The following DPP6 variants were observed in gnomAD, a reference collection of about 807,000 sequenced individuals.
DPP6 encodes A-type potassium channel modulatory protein DPP6.
DPP6 carries 69 observed loss-of-function variants against 122.6 expected under a neutral mutation model. That is an observed-to-expected ratio of 0.56 (90% CI 0.46 to 0.69). The LOEUF is 0.69. DPP6 is among the 30% of genes least tolerant of loss of function. The pLI, the probability that DPP6 is intolerant of heterozygous loss-of-function variation, is 0.00. For missense variants in DPP6, 928 were observed against 1,116.9 expected (o/e 0.83, Z 2.41); for synonymous variants, 418 against 433.1 (o/e 0.97, Z 0.43).
chr7:154,686,906 C>A (rs1839645104), intron 7 of DPP6, among the ~76,000 whole-genome samples: 1 of 152,158 alleles, frequency 6.6e-6, no homozygotes, highest in African/African-American at 2.4e-5. Flanking sequence ...CCCAAGCATG[C>A]CCAGAGCTCG....
At chr7:154,090,143 TG>T (rs1804701778) in intron 1 of DPP6, among the ~76,000 whole-genome samples, 1 of 152,082 alleles carries the variant, frequency 6.6e-6, no homozygotes, top group African/African-American at 2.4e-5. Context: ...GGGTGCTGTG[TG>T]GATCTCAGTC....
intron 17 of DPP6, among the ~76,000 whole-genome samples, chr7:154,862,099 G>T (rs1803459483): frequency 6.6e-6 from 1 of 152,134 alleles, no homozygotes; most frequent in African/African-American, 2.4e-5. Flanking sequence ...CCATTACTGG[G>T]GGAGTTCTCT....
chr7:154,542,984 G>A (rs1375140045), intron 4 of DPP6, among the ~76,000 whole-genome samples: 1 of 152,238 alleles, frequency 6.6e-6, no homozygotes, highest in Non-Finnish European at 1.5e-5. Flanking sequence ...TGTATGCTCT[G>A]TGTGTTTTCA....
the DPP6 span, among the ~76,000 whole-genome samples, chr7:153,823,815 A>G: frequency 6.6e-6 from 1 of 152,108 alleles, no homozygotes; most frequent in African/African-American, 2.4e-5. Context: ...CTAAAGAGTG[A>G]GAAATAATTA....
chr7:154,114,518 G>A (rs1421126703), intron 1 of DPP6, among the ~76,000 whole-genome samples: 1 of 152,172 alleles, frequency 6.6e-6, no homozygotes, highest in Non-Finnish European at 1.5e-5. Flanking sequence ...AAGAACAGAA[G>A]TTATTTCCCA....
At chr7:154,351,835 C>A (rs1810882863) in intron 1 of DPP6, among the ~76,000 whole-genome samples, 1 of 152,182 alleles carries the variant, frequency 6.6e-6, no homozygotes, top group Non-Finnish European at 1.5e-5. Flanking sequence ...CAGCTGAGCA[C>A]CGGCTTGTCT....
chr7:154,876,318 G>A (rs1193685842), intron 20 of DPP6: 20 of 842,182 alleles, frequency 2.4e-5, no homozygotes, highest in Non-Finnish European at 3.2e-6. Flanking sequence ...CCACTGCAGG[G>A]TAGATTGTTG....
At chr7:154,398,273 G>A (rs1001353877) in intron 1 of DPP6, among the ~76,000 whole-genome samples, 10 of 152,154 alleles carry the variant, frequency 6.6e-5, no homozygotes, top group African/African-American at 1.7e-4. Context: ...TGAGGAAACC[G>A]AGGGGCAGAT....
intron 1 of DPP6, among the ~76,000 whole-genome samples, chr7:154,385,811 T>C (rs143340997): frequency 1.3e-3 from 201 of 152,272 alleles, no homozygotes; most frequent in African/African-American, 4.5e-3. Flanking sequence ...ATTTGATTAC[T>C]CAATAAGTGA....
At chr7:154,179,809 G>A (rs536278526) in intron 1 of DPP6, among the ~76,000 whole-genome samples, 7 of 152,218 alleles carry the variant, frequency 4.6e-5, no homozygotes, top group African/African-American at 1.7e-4. Flanking sequence ...ATGACATTGA[G>A]CATATACACT....
chr7:154,854,841 G>T (rs1033610051), intron 17 of DPP6, among the ~76,000 whole-genome samples: 2 of 152,178 alleles, frequency 1.3e-5, no homozygotes, highest in African/African-American at 2.4e-5. Flanking sequence ...CTCGCCCTCG[G>T]TCCCTCCCTT....
chr7:154,052,165 G>T (rs1479825375), upstream of DPP6, among the ~76,000 whole-genome samples: 1 of 151,334 alleles, frequency 6.6e-6, no homozygotes, highest in Admixed American at 6.6e-5. This position sits in a 1 kb window ranked among gnomAD's most constrained non-coding sequence, Gnocchi z 4.8. Context: ...GAGCTCCCGG[G>T]ACTCCCCCAC....
chr7:154,330,563 A>G (rs1808835488), intron 1 of DPP6, among the ~76,000 whole-genome samples: 1 of 152,192 alleles, frequency 6.6e-6, no homozygotes, highest in East Asian at 1.9e-4. Context: ...GTCTTTACGA[A>G]CGGACTGAGA....
At chr7:154,366,168 G>A (rs2337695) in intron 1 of DPP6, among the ~76,000 whole-genome samples, 12,103 of 152,178 alleles carry the variant, frequency 0.08, 1,174 homozygotes, top group African/African-American at 0.23. Flanking sequence ...TGCAACTCAG[G>A]CTGCTAGGGT....
intron 1 of DPP6, among the ~76,000 whole-genome samples, chr7:153,951,572 T>C (rs551397512): frequency 1.3e-5 from 2 of 152,362 alleles, no homozygotes; most frequent in South Asian, 4.1e-4. Context: ...GCCACTGACA[T>C]GCTGCAGCTG....
intron 7 of DPP6, among the ~76,000 whole-genome samples, chr7:154,705,573 G>T (rs1840782306): frequency 6.6e-6 from 1 of 152,214 alleles, no homozygotes; most frequent in Non-Finnish European, 1.5e-5. Context: ...CCCACCCAGG[G>T]TGTGTCAGAG....
Position 154,233,620 on chromosome 7 carries a change from C to T in DPP6, c.243+180557C>T, listed in dbSNP as rs376762271. On this transcript the variant is annotated intron_variant, in intron 1 of 25. Coordinates refer to ENST00000377770, the MANE Select transcript of DPP6 (RefSeq NM_130797.4). ...GGAGGCAGAGATCATGGTGCTGTTC[C>T]GACAAGCCAAGGGGCACCAGAGATT... is the stretch of plus-strand genomic sequence containing the variant. 5.6e-4 allele frequency among the ~76,000 whole-genome samples: 85 copies of T among 152,156 alleles called. 1 individual carries two copies. Among genetic ancestry groups the T allele is most frequent in the African/African-American group, 1.8e-3 (75 of 41,506 alleles).
chr7:153,956,159 A>T (rs945333778), intron 1 of DPP6, among the ~76,000 whole-genome samples: 43 of 152,198 alleles, frequency 2.8e-4, no homozygotes, highest in Non-Finnish European at 1.0e-4. Flanking sequence ...GTTGACGAAC[A>T]CTTCGGCTGT....
chr7:154,408,767 TG>T (rs1198165087), intron 1 of DPP6, among the ~76,000 whole-genome samples: 1 of 148,698 alleles, frequency 6.7e-6, no homozygotes, highest in Admixed American at 6.8e-5. Context: ...AGTCTTCCCC[TG>T]TTTTTTTTTT....
Sources: gnomAD v4.1 joint callset for allele counts (sites outside exome capture counted in the v4.1 genomes callset) on GRCh38, gnomAD v4.1.1 for gene constraint, Gnocchi (gnomAD v3.1) non-coding constraint, MANE v1.5 for transcripts, NCBI Gene and HGNC (gene_info 2026-07-23, HGNC 2026-07-21) for gene names.